DHX37: variants seen among roughly 807,000 people sequenced by gnomAD.
The protein encoded by DHX37 is probable ATP-dependent RNA helicase DHX37.
In DHX37, 52 loss-of-function variants were observed where a neutral mutation model predicts 134.3. The ratio of observed to expected loss-of-function variants is 0.39; its 90% CI spans 0.31 to 0.49. DHX37 has a LOEUF of 0.49. DHX37 is among the 20% of genes least tolerant of loss of function. DHX37 has a pLI of 0.93. For missense variants in DHX37, 1,344 were observed against 1,580.8 expected (o/e 0.85, Z 2.54); for synonymous variants, 634 against 670.7 (o/e 0.95, Z 0.85).
chr12:124,964,638 G>A lies in DHX37; in HGVS notation c.1813-12C>T, dbSNP rs767514698. 1 of 1,605,960 alleles carries A rather than the reference G, an allele frequency of 6.2e-7. No individual in the cohort carries two copies. The highest frequency in any genetic ancestry group is 1.1e-5 in the South Asian group (1 of 90,194). On this transcript the variant is annotated splice_polypyrimidine_tract_variant and intron_variant, in intron 14 of 26. Coordinates refer to ENST00000308736, the MANE Select transcript of DHX37 (RefSeq NM_032656.4). ...GGAGGCTTAAAGACCTAGGATTCGGGGAAGGGATGGCAGGAAAACACCAGA... is the reference window on the plus strand; with the variant it reads ...GGAGGCTTAAAGACCTAGGATTCGGAGAAGGGATGGCAGGAAAACACCAGA...
At chr12:124,956,632 G>T in intron 18 of DHX37, 59 bp downstream of exon 18, 1 of 1,478,186 alleles carries the variant, frequency 6.8e-7, no homozygotes. Flanking sequence ...GGGACTCTCA[G>T]CCCAGAGCCC....
At chr12:124,954,235 C>T (rs1954040937) in intron 18 of DHX37, 24 bp from the exon 19 acceptor site, 1 of 1,546,580 alleles carries the variant, frequency 6.5e-7, no homozygotes, top group South Asian at 1.2e-5. Context: ...TACATACTGT[C>T]TGGGCTGGGG....
In DHX37 at chr12:124,966,780, GC is replaced by G; in HGVS notation, c.1590+12del. The G allele has an allele frequency of 6.2e-7, 1 of 1,613,992 alleles. No individual in the cohort carries two copies. The highest frequency in any genetic ancestry group is 8.5e-7 in the Non-Finnish European group (1 of 1,179,814). ...CCTTACTCTCCAGGAGTCCCTGCCA[GC>G]CCCCCACGTACCTCAGCCCGCGCCT... On this transcript the variant is annotated intron_variant, in intron 12 of 26. Transcript: ENST00000308736.
intron 20 of DHX37, chr12:124,953,564 T>C (rs1173507567): frequency 8.4e-6 from 3 of 357,674 alleles, no homozygotes; most frequent in African/African-American, 4.2e-5. Flanking sequence ...CTGGGGGACA[T>C]GTGGGAGGGA....
In DHX37 at chr12:124,965,697, A is replaced by T. The variant is rs373991457; in HGVS notation, c.1706T>A (p.Leu569Gln). The change falls in exon 13 of 27, where the codon CTG becomes CAG. Residue 569 changes from leucine to glutamine, a missense_variant. This residue lies in a region of DHX37 where 289 missense variants were observed against 323.8 expected (regional missense o/e 0.89). Transcript: ENST00000308736. The part of the protein sequence containing the change: ...EEGALDSDLD[L>Q]DLGDGGQDGG... ...ATCTTGCCCGCCATCCCCCAGGTCC[A>T]GATCGAGGTCGGAGTCCAGGGCCCC... is the stretch of plus-strand genomic sequence containing the variant. 17 of 1,613,452 alleles carry T rather than the reference A, an allele frequency of 1.1e-5. No individual in the cohort carries two copies. The African/African-American group carries it at 1.7e-4, about 16-fold the overall frequency.
At chr12:124,975,774 C>T (rs1253924068) in intron 5 of DHX37, among the ~76,000 whole-genome samples, 10 of 152,178 alleles carry the variant, frequency 6.6e-5, no homozygotes. Flanking sequence ...AGGCTGGGAG[C>T]TCTGTTTGCC....
At chr12:124,982,371 G>A in intron 3 of DHX37, 140 bp downstream of exon 3, 1 of 1,154,570 alleles carries the variant, frequency 8.7e-7, no homozygotes, top group Non-Finnish European at 1.2e-6. Context: ...CATTTAGGAT[G>A]ACAATGAATT....
intron 1 of DHX37, 115 bp from the exon 2 acceptor site, chr12:124,986,380 G>T: frequency 8.8e-7 from 1 of 1,130,474 alleles, no homozygotes; most frequent in Non-Finnish European, 1.3e-6. Flanking sequence ...GGAACAGGGG[G>T]ATCTGTGAGC....
chr12:124,965,489 C>T (rs903169518), intron 13 of DHX37, among the ~76,000 whole-genome samples, 179 bp downstream of exon 13: 2 of 152,216 alleles, frequency 1.3e-5, no homozygotes, highest in African/African-American at 4.8e-5. Flanking sequence ...TGGCAGCCCC[C>T]ATTACATTCA....
chr12:124,952,770 C>G (rs575068036), intron 20 of DHX37, 200 bp from the exon 21 acceptor site: 2 of 434,502 alleles, frequency 4.6e-6, no homozygotes, highest in African/African-American at 4.0e-5. Flanking sequence ...CCTCCTTCTC[C>G]CTTGGGACAA....
chr12:124,988,033 A>T (rs1002821091), intron 1 of DHX37, among the ~76,000 whole-genome samples: 11 of 118,526 alleles, frequency 9.3e-5, no homozygotes, highest in African/African-American at 3.7e-4. Context: ...TCGCTCTCTC[A>T]CCCAGGCTAG....
chr12:124,988,907 G>A lies in DHX37; in HGVS notation c.106+10C>T, dbSNP rs1247800886. The A allele has an allele frequency of 3.0e-6, 4 of 1,312,276 alleles. No homozygotes were observed. The highest frequency in any genetic ancestry group is 3.9e-6 in the Non-Finnish European group (4 of 1,018,556). 81.3% of individuals were successfully genotyped at this position (1,312,276 alleles called of 1,614,324 possible). A position where few individuals can be genotyped will look rare whatever the true frequency, so the allele number is the denominator to read the frequency against. ...CTCCGAAATCCAGCCCCGGTCCGGG[G>A]ATGTCTTACCCTCCAGTTCCAGCTG... is the stretch of plus-strand genomic sequence containing the variant. On this transcript the variant is annotated intron_variant, in intron 1 of 26. Transcript: ENST00000308736.
chr12:124,977,240 G>T (rs532211378), intron 5 of DHX37, 102 bp downstream of exon 5: 6 of 1,380,888 alleles, frequency 4.3e-6, no homozygotes, highest in Non-Finnish European at 5.7e-6. Flanking sequence ...GCACAGGGCA[G>T]ATCCAGGATT....
rs1440476386 is a variant in DHX37, at chr12:124,949,944, G to A, written c.3290+42C>T. The A allele has an allele frequency of 6.4e-7, 1 of 1,568,280 alleles. No individual in the cohort carries two copies. The highest frequency in any genetic ancestry group is 1.1e-5 in the South Asian group (1 of 87,028). On this transcript the variant is annotated intron_variant, in intron 25 of 26. Coordinates refer to ENST00000308736, the MANE Select transcript of DHX37 (RefSeq NM_032656.4). This position sits in a 1 kb window ranked among gnomAD's most constrained non-coding sequence, Gnocchi z 4.0. ...CCCCGGGGAGGTCATTCAGGCCTCG[G>A]ACCCCTCCTGCCCACTGCGAGGCTC...
intron 8 of DHX37, among the ~76,000 whole-genome samples, chr12:124,969,880 C>T (rs6488965): frequency 0.32 from 48,530 of 151,212 alleles, 8,393 homozygotes; most frequent in East Asian, 0.61. Flanking sequence ...GTGATTGCAC[C>T]GCTGCACTCC....
chr12:124,963,836 C>T (rs1241819938), intron 15 of DHX37, among the ~76,000 whole-genome samples: 2 of 144,872 alleles, frequency 1.4e-5, no homozygotes, highest in African/African-American at 2.6e-5. Flanking sequence ...GCCAAGATCA[C>T]GCCACGGCAC....
chr12:124,963,859 G>A (rs1189177073), intron 15 of DHX37, among the ~76,000 whole-genome samples: 3 of 125,840 alleles, frequency 2.4e-5, no homozygotes, highest in Non-Finnish European at 4.7e-5. Flanking sequence ...CAGCCTGGGC[G>A]ACAGAGTGAG....
At chr12:124,987,813 A>G (rs1954903868) in intron 1 of DHX37, among the ~76,000 whole-genome samples, 1 of 152,072 alleles carries the variant, frequency 6.6e-6, no homozygotes, top group Non-Finnish European at 1.5e-5. Context: ...GAAATCTGGA[A>G]TGCTCCAATG....
At chr12:124,955,783 A>T (rs909913135) in intron 18 of DHX37, among the ~76,000 whole-genome samples, 78 of 152,368 alleles carry the variant, frequency 5.1e-4, no homozygotes, top group African/African-American at 1.8e-3. Context: ...AAACTATTAA[A>T]AATAAGTAAG....
Sources: allele counts gnomAD v4.1 joint callset (sites outside exome capture counted in the v4.1 genomes callset), GRCh38; gene constraint gnomAD v4.1.1; regional missense constraint gnomAD v4.1.1; non-coding constraint Gnocchi (gnomAD v3.1); transcripts MANE v1.5; gene names NCBI Gene and HGNC (gene_info 2026-07-23, HGNC 2026-07-21).